The following STAC variants were observed in gnomAD, a reference collection of about 807,000 sequenced individuals.
STAC encodes SH3 and cysteine-rich domain-containing protein.
STAC carries 43 observed loss-of-function variants against 48.8 expected under a neutral mutation model. The observed-to-expected ratio is 0.88, with a 90% confidence interval of 0.69 to 1.14. The LOEUF is 1.14. Among genes scored for constraint, STAC ranks in the 50% most tolerant of loss-of-function variants. The probability of loss-of-function intolerance (pLI) is 0.00; values close to 1 mark genes in which losing one functional copy is unlikely to be tolerated. For synonymous variants in STAC, 193 were observed against 179.5 expected (o/e 1.07, Z -0.60); for missense variants, 497 against 504.0 (o/e 0.99, Z 0.13).
intron 5 of STAC, among the ~76,000 whole-genome samples, chr3:36,486,758 TCA>T (rs2125702346): frequency 6.6e-6 from 1 of 152,346 alleles, no homozygotes; most frequent in African/African-American, 2.4e-5. Flanking sequence ...TGTGGGACAC[TCA>T]CTCTTCCAAG....
rs2125637325 is a variant in STAC, at chr3:36,413,904, TA to T, written c.112-29457del. ...AAATCTCTCAGCATTTGCTTGTCTGTAAAGGATTTTATTTCTTTTTCACTTA... is the reference window on the plus strand; with the variant it reads ...AAATCTCTCAGCATTTGCTTGTCTGTAAGGATTTTATTTCTTTTTCACTTA... On this transcript the variant is annotated intron_variant, in intron 1 of 10. Transcript: ENST00000273183. Among the ~76,000 whole-genome samples the T allele has an allele frequency of 2.6e-5, 4 of 152,236 alleles. 1 individual carries two copies. The East Asian group carries it at 7.7e-4, about 29-fold the overall frequency.
chr3:36,386,667 C>T (rs973396067), intron 1 of STAC, among the ~76,000 whole-genome samples: 4 of 151,984 alleles, frequency 2.6e-5, no homozygotes, highest in Non-Finnish European at 5.9e-5. Flanking sequence ...TTTGACTATG[C>T]CACTTTTGCT....
At chr3:36,395,932 TAA>T (rs35371109) in intron 1 of STAC, among the ~76,000 whole-genome samples, 158 of 147,946 alleles carry the variant, frequency 1.1e-3, no homozygotes, top group African/African-American at 3.6e-3. Context: ...CCACAAAGTT[TAA>T]AAAAAAAAAA....
chr3:36,462,919 A>ATTTATATGATTGTTATAATATAACAAT (rs1697059749), intron 2 of STAC, among the ~76,000 whole-genome samples: 2 of 152,138 alleles, frequency 1.3e-5, no homozygotes, highest in Non-Finnish European at 2.9e-5. Context: ...TGAGAAGTCT[A>ATTTATATGATTGTTATAATATAACAAT]TTTATATGAT....
At chr3:36,543,599 G>A (rs1402129140) in intron 10 of STAC, among the ~76,000 whole-genome samples, 1 of 152,124 alleles carries the variant, frequency 6.6e-6, no homozygotes, top group East Asian at 1.9e-4. Flanking sequence ...AACCTTGAAA[G>A]AGAAGAGAAA....
chr3:36,450,777 G>A (rs1290816442), intron 2 of STAC, among the ~76,000 whole-genome samples: 3 of 152,106 alleles, frequency 2.0e-5, no homozygotes, highest in Non-Finnish European at 2.9e-5. Flanking sequence ...CACCTACCTC[G>A]GCCTCCCAAA....
intron 8 of STAC, among the ~76,000 whole-genome samples, chr3:36,508,469 G>A (rs1186629809): frequency 3.9e-5 from 6 of 151,986 alleles, no homozygotes; most frequent in Admixed American, 3.9e-4. Flanking sequence ...AAGTCCTGAA[G>A]ATCCTTGTTA....
chr3:36,540,513 G>T (rs1418915743), intron 10 of STAC, among the ~76,000 whole-genome samples: 1 of 152,052 alleles, frequency 6.6e-6, no homozygotes, highest in African/African-American at 2.4e-5. Flanking sequence ...AGCAGAAGAG[G>T]ACAGATGAAA....
At chr3:36,466,043 A>G (rs1254602712) in intron 2 of STAC, among the ~76,000 whole-genome samples, 1 of 152,198 alleles carries the variant, frequency 6.6e-6, no homozygotes, top group Non-Finnish European at 1.5e-5. Flanking sequence ...TCTTAGATTT[A>G]AATATTTGAT....
In STAC at chr3:36,485,040, A is replaced by G; in HGVS notation, c.553A>G (p.Lys185Glu). 1 of 1,603,060 alleles carries G rather than the reference A, an allele frequency of 6.2e-7. No individual in the cohort carries two copies. Among genetic ancestry groups the G allele is most frequent in the Non-Finnish European group, 8.5e-7 (1 of 1,174,918 alleles). Residue 185 changes from lysine (K) to glutamate (E), a missense_variant, in exon 4 of 11, where the codon AAA becomes GAA. Transcript: ENST00000273183. ...LLIHEQFGCI[K>E]EVMPIACGNK... ...CATTCATGAACAGTTTGGCTGCATTAAAGAAGTTATGCCCATTGGTGAGTT... is the reference window on the plus strand; with the variant it reads ...CATTCATGAACAGTTTGGCTGCATTGAAGAAGTTATGCCCATTGGTGAGTT...
intron 2 of STAC, among the ~76,000 whole-genome samples, chr3:36,480,223 T>C (rs1281533127): frequency 6.6e-6 from 1 of 152,212 alleles, no homozygotes; most frequent in African/African-American, 2.4e-5. Context: ...GTAATTGCTT[T>C]CAAAGTCCAG....
intron 1 of STAC, among the ~76,000 whole-genome samples, chr3:36,381,020 C>T (rs73052252): frequency 0.19 from 29,204 of 152,016 alleles, 3,431 homozygotes; most frequent in Non-Finnish European, 0.24. Context: ...GGGGTGGTAG[C>T]TTGGTTTTTT....
intron 1 of STAC, among the ~76,000 whole-genome samples, chr3:36,404,951 T>C (rs2125629965): frequency 6.6e-6 from 1 of 152,312 alleles, no homozygotes; most frequent in Middle Eastern, 3.4e-3. Context: ...GCAAAAGTAA[T>C]TGTAGTTTTT....
intron 1 of STAC, among the ~76,000 whole-genome samples, chr3:36,385,801 T>C (rs947545049): frequency 2.0e-5 from 3 of 152,138 alleles, no homozygotes; most frequent in African/African-American, 7.2e-5. Flanking sequence ...GTTGAAATTA[T>C]CTGTGCCATT....
intron 10 of STAC, among the ~76,000 whole-genome samples, chr3:36,545,188 A>G (rs6808581): frequency 0.12 from 17,705 of 152,266 alleles, 1,228 homozygotes; most frequent in Non-Finnish European, 0.15. Flanking sequence ...GGTTATGCCC[A>G]TCACACTACA....
intron 8 of STAC, among the ~76,000 whole-genome samples, chr3:36,521,552 G>A (rs1209498916): frequency 6.6e-6 from 1 of 152,100 alleles, no homozygotes; most frequent in Admixed American, 6.6e-5. Context: ...ACAAGGAAGG[G>A]GAAGAGGGAC....
chr3:36,407,848 C>A (rs778407795), intron 1 of STAC, among the ~76,000 whole-genome samples: 1 of 152,220 alleles, frequency 6.6e-6, no homozygotes, highest in Non-Finnish European at 1.5e-5. Context: ...GCTGGATTCT[C>A]CCTTAGTATC....
At chr3:36,535,280 TGTTGGCGTATA>T (rs1453562078) in intron 10 of STAC, among the ~76,000 whole-genome samples, 1 of 152,210 alleles carries the variant, frequency 6.6e-6, no homozygotes, top group Non-Finnish European at 1.5e-5. Context: ...GCTTGTCCGT[TGTTGGCGTATA>T]GTAATGCTTG....
intron 10 of STAC, among the ~76,000 whole-genome samples, chr3:36,535,376 A>G (rs1699174423): frequency 6.6e-6 from 1 of 152,190 alleles, no homozygotes; most frequent in Non-Finnish European, 1.5e-5. Flanking sequence ...TTGGGCTGAG[A>G]TGATGGAGTT....
Sources: allele counts gnomAD v4.1 joint callset (sites outside exome capture counted in the v4.1 genomes callset), GRCh38; gene constraint gnomAD v4.1.1; transcripts MANE v1.5; gene names NCBI Gene and HGNC (gene_info 2026-07-23, HGNC 2026-07-21).